The following MLC1 variants were observed in gnomAD, a reference collection of about 807,000 sequenced individuals.
The protein encoded by MLC1 is membrane protein MLC1.
A neutral mutation model predicts 44.7 loss-of-function variants in MLC1; 32 were observed. The ratio of observed to expected loss-of-function variants is 0.72; its 90% CI spans 0.54 to 0.96. MLC1 has a LOEUF of 0.96. MLC1 is among the 40% of genes least tolerant of loss of function. MLC1 has a pLI of 0.00. For synonymous variants in MLC1, 190 were observed against 213.0 expected (o/e 0.89, Z 0.94); for missense variants, 459 against 492.2 (o/e 0.93, Z 0.64).
At chr22:50,062,692 G>C (rs371557522) in intron 11 of MLC1, among the ~76,000 whole-genome samples, 1 of 152,266 alleles carries the variant, frequency 6.6e-6, no homozygotes, top group Admixed American at 6.5e-5. Flanking sequence ...CAAGAGCAGC[G>C]GCCGGTCCGC....
Position 50,076,850 on chromosome 22 carries a change from T to C in MLC1, c.588A>G (p.Lys196=). 6.2e-7 allele frequency: 1 copy of C among 1,613,854 alleles called. No homozygotes were observed. The highest frequency in any genetic ancestry group is 8.5e-7 in the Non-Finnish European group (1 of 1,179,826). Reference sequence around the variant, plus strand: ...AGGGAAGTTTTCTTACTGAGTAAGATTTCAGGACCCGAGCAGGAAATGGCA... The same window carrying C: ...AGGGAAGTTTTCTTACTGAGTAAGACTTCAGGACCCGAGCAGGAAATGGCA... ...DEVPFPARVL[K]SYSVVEVIAG... The change falls in exon 7 of 12, where the codon AAA becomes AAG. Residue 196 remains lysine, a synonymous_variant. Coordinates refer to ENST00000311597, the MANE Select transcript of MLC1 (RefSeq NM_015166.4).
intron 3 of MLC1, among the ~76,000 whole-genome samples, chr22:50,081,297 G>A (rs1317319306): frequency 6.6e-6 from 1 of 151,858 alleles, no homozygotes; most frequent in Non-Finnish European, 1.5e-5. Context: ...GAGCAGAGAC[G>A]GCGCCATTGC....
chr22:50,081,157 T>G (rs917726119), intron 3 of MLC1, among the ~76,000 whole-genome samples: 7 of 151,580 alleles, frequency 4.6e-5, no homozygotes, highest in African/African-American at 9.7e-5. Flanking sequence ...CTGGCCAACA[T>G]AGTGAAACCC....
intron 5 of MLC1, among the ~76,000 whole-genome samples, chr22:50,078,012 C>T (rs1429586796): frequency 1.2e-4 from 16 of 130,218 alleles, no homozygotes; most frequent in Non-Finnish European, 2.3e-4. Flanking sequence ...TTTTTTGAGA[C>T]GGAGGTTCGC....
chr22:50,074,290 TC>T lies in MLC1; in HGVS notation c.639del (p.Ile214SerfsTer4). 1 of 1,613,834 alleles carries T rather than the reference TC, an allele frequency of 6.2e-7. No homozygotes were observed. Among genetic ancestry groups the T allele is most frequent in the Non-Finnish European group, 8.5e-7 (1 of 1,179,982 alleles). ...GAGTCATCCACGTTCAGGGCAATGA[TC>T]CCCCCGAGGACGGCAGAGATGCCTG... ...VIAGISAVLG[G>X]IIALNVDDSV... On this transcript the variant is annotated frameshift_variant, in exon 8 of 12. Coordinates refer to ENST00000311597, the MANE Select transcript of MLC1 (RefSeq NM_015166.4). LOFTEE classifies it high-confidence loss of function.
chr22:50,075,615 C>T (rs922097065), intron 7 of MLC1, among the ~76,000 whole-genome samples: 7 of 150,840 alleles, frequency 4.6e-5, no homozygotes, highest in Admixed American at 2.7e-4. Flanking sequence ...GAGGCTGAGG[C>T]GGGAGAATCG....
rs1044630224 is a variant in MLC1 at position 50,059,955 on chromosome 22, T to A, written c.*1628A>T. 1 of 152,336 alleles carries A rather than the reference T, an allele frequency of 6.6e-6. No homozygotes were observed. The highest frequency in any genetic ancestry group is 2.4e-5 in the African/African-American group (1 of 41,466). 9.4% of individuals were successfully genotyped at this position (152,336 alleles called of 1,614,324 possible). A position where few individuals can be genotyped will look rare whatever the true frequency, so the allele number is the denominator to read the frequency against. On this transcript the variant is annotated 3_prime_UTR_variant, in exon 12 of 12. Coordinates refer to ENST00000311597, the MANE Select transcript of MLC1 (RefSeq NM_015166.4). ...ATCTTGGCAGCCAGAGTCACTCCTGTTCCGCAGTGGGAAACCTGGGAGGGT... is the reference window on the plus strand; with the variant it reads ...ATCTTGGCAGCCAGAGTCACTCCTGATCCGCAGTGGGAAACCTGGGAGGGT...
At position 50,083,110 on chromosome 22, in the gene MLC1, C is replaced by T. The variant is rs140759469; in HGVS notation, c.241G>A (p.Asp81Asn). ...YLGNVFPAEM[D>N]YLRCAAGSCI... Reference sequence around the variant, plus strand: ...GAGCCTGCAGCACAGCGCAAGTAATCCATCTCAGCCGGGAACACGTTCCCC... The same window carrying T: ...GAGCCTGCAGCACAGCGCAAGTAATTCATCTCAGCCGGGAACACGTTCCCC... The change falls in exon 3 of 12, where the codon GAT (aspartate) becomes AAT (asparagine). Residue 81 changes from aspartate to asparagine, a missense_variant. By Grantham distance (23) the Asp-to-Asn change is conservative. Transcript: ENST00000311597. The surrounding 1 kb of genome is among the most constrained non-coding windows in gnomAD (Gnocchi z 4.6). 1 of 1,614,126 alleles carries T rather than the reference C, an allele frequency of 6.2e-7. No individual in the cohort carries two copies. Among genetic ancestry groups the T allele is most frequent in the South Asian group, 1.1e-5 (1 of 91,080 alleles).
Position 50,083,158 on chromosome 22 carries a change from T to G in MLC1, c.193A>C (p.Thr65Pro). The change falls in exon 3 of 12, where the codon ACC becomes CCC. Residue 65 changes from threonine (T) to proline (P), a missense_variant. Transcript: ENST00000311597. The surrounding 1 kb of genome is among the most constrained non-coding windows in gnomAD (Gnocchi z 4.6). ...CCCAGGTACAGCGAAAACCCCGAGG[T>G]CACCAGGAGGCAGCTCTGCAAGACA... ...SVLMGSCLLV[T>P]SGFSLYLGNV... 6.2e-7 allele frequency: 1 copy of G among 1,613,820 alleles called. No individual in the cohort carries two copies. Among genetic ancestry groups the G allele is most frequent in the Non-Finnish European group, 8.5e-7 (1 of 1,179,964 alleles).
chr22:50,076,416 G>A (rs1053991857), intron 7 of MLC1, among the ~76,000 whole-genome samples: 4 of 152,100 alleles, frequency 2.6e-5, no homozygotes, highest in Admixed American at 6.5e-5. Context: ...TTAGCCGGGC[G>A]TGGTGGCATG....
chr22:50,079,233 G>A (rs931555850), intron 5 of MLC1, among the ~76,000 whole-genome samples: 4 of 152,028 alleles, frequency 2.6e-5, no homozygotes, highest in African/African-American at 4.8e-5. Flanking sequence ...GCAGTGAGCC[G>A]AGATGGCGCC....
chr22:50,084,824 T>C lies in MLC1; in HGVS notation c.79A>G (p.Ser27Gly). The C allele has an allele frequency of 1.2e-6, 2 of 1,613,918 alleles. No homozygotes were observed. Among genetic ancestry groups the C allele is most frequent in the Non-Finnish European group, 1.7e-6 (2 of 1,180,050 alleles). ...TLERGRQDPA[S>G]YAPDAKPSDL... ...CTCGGCTTCGCGTCTGGGGCATAGCTGGCGGGGTCTTGCCGGCCCCGCTCC... is the reference window on the plus strand; with the variant it reads ...CTCGGCTTCGCGTCTGGGGCATAGCCGGCGGGGTCTTGCCGGCCCCGCTCC... The change falls in exon 2 of 12, where the codon AGC (serine) becomes GGC (glycine). Residue 27 changes from serine (S) to glycine (G), a missense_variant. By Grantham distance (56) the Ser-to-Gly change is moderately conservative. Transcript: ENST00000311597.
At chr22:50,079,858 C>A in intron 5 of MLC1, 60 bp downstream of exon 5, 1 of 1,202,668 alleles carries the variant, frequency 8.3e-7, no homozygotes, top group Non-Finnish European at 1.2e-6. Context: ...TTTGCTGACA[C>A]CATTCGTGGG....
chr22:50,064,273 C>A, intron 10 of MLC1, 75 bp from the exon 11 acceptor site: 1 of 1,523,328 alleles, frequency 6.6e-7, no homozygotes, highest in South Asian at 1.2e-5. Flanking sequence ...CCCTCGTGCC[C>A]ACGGCCTTCA....
intron 2 of MLC1, 103 bp downstream of exon 2, chr22:50,084,623 A>T: frequency 8.0e-7 from 1 of 1,252,956 alleles, no homozygotes; most frequent in Non-Finnish European, 1.2e-6. Flanking sequence ...TTAGTCTGAG[A>T]GTTGCTCTCT....
Position 50,084,729 on chromosome 22 carries a change from C to T in MLC1, c.174G>A (p.Met58Ile), listed in dbSNP as rs762193214. The change falls in exon 2 of 12, where the codon ATG (methionine) becomes ATA (isoleucine). Residue 58 changes from methionine to isoleucine, a missense_variant. Transcript: ENST00000311597. Reference sequence around the variant, plus strand: ...GGCTTAGTGTGGAGCTACTCACCCCCATCAGCACAGAGAAGACCCACGTCT... The same window carrying T: ...GGCTTAGTGTGGAGCTACTCACCCCTATCAGCACAGAGAAGACCCACGTCT... ...SHKTWVFSVL[M>I]GSCLLVTSGF... 9.9e-6 allele frequency: 16 copies of T among 1,613,946 alleles called. No homozygotes were observed. The highest frequency in any genetic ancestry group is 1.3e-5 in the Non-Finnish European group (15 of 1,180,048).
chr22:50,072,790 C>T (rs2061886616), intron 8 of MLC1: 1 of 152,448 alleles, frequency 6.6e-6, no homozygotes, highest in African/African-American at 2.4e-5. Context: ...GGGTGGGCAC[C>T]CATGTGAGTT....
In MLC1 at chr22:50,081,275, G is replaced by A. The variant is rs2146919368; in HGVS notation, c.268-878C>T. Among the ~76,000 whole-genome samples, 3 of 152,134 alleles carry A rather than the reference G, an allele frequency of 2.0e-5. No individual in the cohort carries two copies. The South Asian group carries it at 6.2e-4, about 32-fold the overall frequency. On this transcript the variant is annotated intron_variant, in intron 3 of 11. Coordinates refer to ENST00000311597, the MANE Select transcript of MLC1 (RefSeq NM_015166.4). ...GGAGAATTGCTTGAACCCAGGAGGTGGAGGTTGCAGTGAGCAGAGACGGCG... is the reference window on the plus strand; with the variant it reads ...GGAGAATTGCTTGAACCCAGGAGGTAGAGGTTGCAGTGAGCAGAGACGGCG...
intron 5 of MLC1, 21 bp downstream of exon 5, chr22:50,079,897 G>T: frequency 6.4e-7 from 1 of 1,560,852 alleles, no homozygotes; most frequent in Non-Finnish European, 8.8e-7. Context: ...AGGCGTCTGC[G>T]CGAAGCTCGT....
Sources: allele counts gnomAD v4.1 joint callset (sites outside exome capture counted in the v4.1 genomes callset), GRCh38; gene constraint gnomAD v4.1.1; non-coding constraint Gnocchi (gnomAD v3.1); transcripts MANE v1.5; gene names NCBI Gene and HGNC (gene_info 2026-07-23, HGNC 2026-07-21).